Variants in FERMT2 observed in about 807,000 individuals in gnomAD.
The protein encoded by FERMT2 is fermitin family homolog 2.
Under a neutral mutation model 82.7 loss-of-function variants are expected in FERMT2, and 15 were observed. The observed-to-expected ratio is 0.18, with a 90% confidence interval of 0.12 to 0.28. The LOEUF (loss-of-function observed/expected upper bound fraction) is 0.28, where lower values mean the gene tolerates loss of function less well. Among genes scored for constraint, FERMT2 ranks in the 10% least tolerant of loss-of-function variants. FERMT2 has a pLI of 1.00. For missense variants in FERMT2, 645 were observed against 809.4 expected (o/e 0.80, Z 2.46); for synonymous variants, 274 against 271.5 (o/e 1.01, Z -0.09).
At chr14:52,870,021 T>C (rs999589477) in intron 10 of FERMT2, among the ~76,000 whole-genome samples, 3 of 152,222 alleles carry the variant, frequency 2.0e-5, no homozygotes, top group African/African-American at 7.2e-5. Flanking sequence ...TATTTTTGTA[T>C]AGCTGTACAA....
At chr14:52,910,593 AT>A (rs1349451807) in intron 3 of FERMT2, among the ~76,000 whole-genome samples, 4 of 152,242 alleles carry the variant, frequency 2.6e-5, no homozygotes, top group African/African-American at 9.6e-5. Context: ...AGAAGCACTG[AT>A]CTGAAAGTGC....
At chr14:52,873,769 C>T (rs544838429) in intron 9 of FERMT2, 1 of 156,354 alleles carries the variant, frequency 6.4e-6, no homozygotes. Context: ...TAGAACTTTA[C>T]ATAAAATGTT....
chr14:52,941,837 T>C (rs1890102375), intron 2 of FERMT2, among the ~76,000 whole-genome samples: 1 of 152,222 alleles, frequency 6.6e-6, no homozygotes, highest in South Asian at 2.1e-4. Flanking sequence ...AATTTACTAC[T>C]GATGCTTTCA....
chr14:52,930,525 G>A (rs552586086), intron 2 of FERMT2, among the ~76,000 whole-genome samples: 40 of 152,216 alleles, frequency 2.6e-4, no homozygotes, highest in Non-Finnish European at 5.4e-4. Flanking sequence ...AGTTGGATGG[G>A]GTAAGAAAGG....
chr14:52,918,187 T>C (rs1378251690), intron 3 of FERMT2, among the ~76,000 whole-genome samples: 1 of 152,198 alleles, frequency 6.6e-6, no homozygotes, highest in African/African-American at 2.4e-5. Context: ...AGTACGTCTA[T>C]ACTCTGAATT....
chr14:52,872,936 G>C lies in FERMT2; in HGVS notation c.1149-13C>G. On this transcript the variant is annotated splice_polypyrimidine_tract_variant and intron_variant, in intron 9 of 14. Transcript: ENST00000341590. The stretch of plus-strand genomic sequence containing the variant: ...CAGCTTTTTTGGCCTATGTATCAAA[G>C]AGAATTAACAACAAAATCACTTGGA... The C allele has an allele frequency of 6.2e-7, 1 of 1,610,948 alleles. No individual in the cohort carries two copies. The highest frequency in any genetic ancestry group is 1.7e-4 in the Middle Eastern group (1 of 6,008).
intron 4 of FERMT2, among the ~76,000 whole-genome samples, chr14:52,882,224 TTTTTTAA>T (rs1451818637): frequency 7.2e-5 from 11 of 152,162 alleles, no homozygotes; most frequent in Admixed American, 5.2e-4. Context: ...AAATAAAGTT[TTTTTTAA>T]TTTTTAAGTT....
At chr14:52,934,630 G>GT (rs1307719035) in intron 2 of FERMT2, among the ~76,000 whole-genome samples, 3 of 152,146 alleles carry the variant, frequency 2.0e-5, no homozygotes, top group African/African-American at 7.2e-5. Context: ...CTTGTATCAT[G>GT]TATGTAAGTT....
chr14:52,863,028 A>AGAAACAAGATTCTGTATAAATAAT (rs1885049781), intron 12 of FERMT2: 1 of 145,256 alleles, frequency 6.9e-6, no homozygotes, highest in Non-Finnish European at 1.5e-5. Context: ...GTTCACTTTT[A>AGAAACAAGATTCTGTATAAATAAT]GAAACAAGAT....
chr14:52,885,156 T>C (rs1476514521), intron 4 of FERMT2, among the ~76,000 whole-genome samples: 3 of 150,686 alleles, frequency 2.0e-5, no homozygotes, highest in African/African-American at 7.3e-5. Context: ...CTACTAAAAA[T>C]ACAAAAATTA....
At chr14:52,917,157 C>T (rs1374697288) in intron 3 of FERMT2, among the ~76,000 whole-genome samples, 2 of 152,090 alleles carry the variant, frequency 1.3e-5, no homozygotes, top group Admixed American at 1.3e-4. Flanking sequence ...ACTTCTACTT[C>T]TAGGTGGATA....
Position 52,881,274 on chromosome 14 carries a change from G to A in FERMT2, c.722C>T (p.Ala241Val). Reference protein sequence around the residue: ...EILAKMFKPQALLDKAKINQG... With the variant: ...EILAKMFKPQVLLDKAKINQG... ...GTTGATTTTTGCTTTATCAAGAAGA[G>A]CTTGAGGCTTGAACATTTTTGCCAA... Residue 241 changes from alanine (A) to valine (V), a missense_variant, in exon 5 of 15, where the codon GCT becomes GTT. Transcript: ENST00000341590. The A allele has an allele frequency of 6.2e-7, 1 of 1,613,988 alleles. No individual in the cohort carries two copies. Among genetic ancestry groups the A allele is most frequent in the Non-Finnish European group, 8.5e-7 (1 of 1,179,942 alleles).
chr14:52,864,667 G>C, intron 11 of FERMT2, 45 bp from the exon 12 acceptor site: 2 of 1,578,860 alleles, frequency 1.3e-6, no homozygotes, highest in Non-Finnish European at 1.7e-6. Flanking sequence ...CACGAGGTGG[G>C]TCTTTCAAGT....
At chr14:52,875,812 T>C (rs1885919376) in intron 7 of FERMT2, among the ~76,000 whole-genome samples, 1 of 152,202 alleles carries the variant, frequency 6.6e-6, no homozygotes, top group Admixed American at 6.5e-5. Context: ...GAGAAAGTCA[T>C]CATTATTATG....
chr14:52,926,041 G>A lies in FERMT2; in HGVS notation c.158-6685C>T, dbSNP rs188007870. 5.4e-4 allele frequency among the ~76,000 whole-genome samples: 82 copies of A among 152,244 alleles called. 1 individual carries two copies. The highest frequency in any genetic ancestry group is 1.9e-3 in the African/African-American group (78 of 41,550). On this transcript the variant is annotated intron_variant, in intron 2 of 14. Coordinates refer to ENST00000341590, the MANE Select transcript of FERMT2 (RefSeq NM_006832.3). ...TTAAATCATAACAGACTATGCAACTGTAACTTGAAAAACCCACTATGTGCA... is the reference window on the plus strand; with the variant it reads ...TTAAATCATAACAGACTATGCAACTATAACTTGAAAAACCCACTATGTGCA...
intron 4 of FERMT2, among the ~76,000 whole-genome samples, chr14:52,885,896 G>T (rs924876191): frequency 6.8e-6 from 1 of 147,570 alleles, no homozygotes; most frequent in African/African-American, 2.5e-5. Flanking sequence ...AGTAAACCTA[G>T]AACTATAAAG....
chr14:52,882,331 A>G (rs1886346643), intron 4 of FERMT2, among the ~76,000 whole-genome samples: 1 of 152,228 alleles, frequency 6.6e-6, no homozygotes, highest in Non-Finnish European at 1.5e-5. Context: ...TTAATAGTCA[A>G]ATCTCAAAAG....
intron 10 of FERMT2, among the ~76,000 whole-genome samples, chr14:52,866,873 C>CT (rs1885313291): frequency 2.0e-5 from 3 of 152,168 alleles, no homozygotes; most frequent in Non-Finnish European, 4.4e-5. Context: ...CATCCTCCAG[C>CT]TTTCCTATCC....
chr14:52,911,763 T>C (rs892410221), intron 3 of FERMT2, among the ~76,000 whole-genome samples: 2 of 152,154 alleles, frequency 1.3e-5, no homozygotes, highest in African/African-American at 2.4e-5. Flanking sequence ...GAAAATTTTA[T>C]AGACTTCTGA....
Sources: gnomAD v4.1 joint callset for allele counts (sites outside exome capture counted in the v4.1 genomes callset) on GRCh38, gnomAD v4.1.1 for gene constraint, MANE v1.5 for transcripts, NCBI Gene and HGNC (gene_info 2026-07-23, HGNC 2026-07-21) for gene names.